Variants in VEPH1 observed in about 807,000 individuals in gnomAD.
VEPH1 encodes ventricular zone expressed PH domain containing 1, also known as ventricular zone-expressed PH domain-containing protein homolog 1.
In VEPH1, 80 loss-of-function variants were observed where a neutral mutation model predicts 85.2. That is an observed-to-expected ratio of 0.94 (90% confidence interval 0.78 to 1.13). VEPH1 has a LOEUF of 1.13. Ranked by LOEUF, VEPH1 falls within the 50% of genes most tolerant of loss-of-function variation. The pLI is 0.00. For missense variants in VEPH1, 955 were observed against 980.5 expected, an observed-to-expected ratio of 0.97 and a Z score of 0.35; for synonymous variants, 297 against 348.0, an observed-to-expected ratio of 0.85 and a Z score of 1.63.
chr3:157,308,070 A>G (rs6780399), intron 11 of VEPH1, among the ~76,000 whole-genome samples: 104,203 of 151,528 alleles, frequency 0.69, 36,041 homozygotes, highest in East Asian at 0.78. Flanking sequence ...TGGATCTTTT[A>G]TATAAGTTCT....
At chr3:157,392,044 G>A (rs1248870497) in intron 6 of VEPH1, among the ~76,000 whole-genome samples, 1 of 152,160 alleles carries the variant, frequency 6.6e-6, no homozygotes, top group African/African-American at 2.4e-5. Flanking sequence ...AAGAGAATTT[G>A]TTAACACTAG....
At chr3:157,278,918 C>G (rs1278060685) in intron 12 of VEPH1, among the ~76,000 whole-genome samples, 3 of 152,054 alleles carry the variant, frequency 2.0e-5, no homozygotes, top group East Asian at 1.9e-4. Flanking sequence ...GGGAGTGGTG[C>G]ATGCTTGTAA....
At chr3:157,418,998 ACAGAATAGAGATCT>A (rs1377489369) in intron 5 of VEPH1, among the ~76,000 whole-genome samples, 41 of 152,310 alleles carry the variant, frequency 2.7e-4, no homozygotes, top group African/African-American at 9.6e-4. Flanking sequence ...GACGAATGGA[ACAGAATAGAGATCT>A]CAGAAATAAG....
intron 11 of VEPH1, among the ~76,000 whole-genome samples, chr3:157,294,048 C>T (rs1460420640): frequency 1.3e-5 from 2 of 152,102 alleles, no homozygotes; most frequent in Non-Finnish European, 2.9e-5. Context: ...TTACTGCCAC[C>T]TACATTCAAC....
intron 9 of VEPH1, among the ~76,000 whole-genome samples, chr3:157,348,931 G>T (rs368444475): frequency 1.7e-4 from 26 of 152,230 alleles, no homozygotes; most frequent in African/African-American, 6.0e-4. Flanking sequence ...CTTTAAAGAA[G>T]AATTAATACC....
chr3:157,475,741 C>A (rs906643585), intron 2 of VEPH1, among the ~76,000 whole-genome samples: 1 of 152,146 alleles, frequency 6.6e-6, no homozygotes, highest in Non-Finnish European at 1.5e-5. Flanking sequence ...GGGTGAAATT[C>A]AAAATTTGAC....
intron 4 of VEPH1, among the ~76,000 whole-genome samples, chr3:157,440,674 G>T (rs1232962580): frequency 6.6e-6 from 1 of 151,254 alleles, no homozygotes; most frequent in Non-Finnish European, 1.5e-5. Flanking sequence ...GTATATATAC[G>T]TATACATACA....
intron 4 of VEPH1, among the ~76,000 whole-genome samples, chr3:157,433,737 TA>T (rs1733343672): frequency 6.6e-6 from 1 of 152,234 alleles, no homozygotes; most frequent in Non-Finnish European, 1.5e-5. Flanking sequence ...AGTAGACATG[TA>T]AAATGAATTT....
chr3:157,361,465 C>A (rs1009589395), intron 9 of VEPH1, among the ~76,000 whole-genome samples: 1 of 152,154 alleles, frequency 6.6e-6, no homozygotes. Flanking sequence ...AGTACCTAAA[C>A]CTGATAGCCA....
At chr3:157,469,189 C>T (rs933095042) in intron 3 of VEPH1, among the ~76,000 whole-genome samples, 1 of 152,168 alleles carries the variant, frequency 6.6e-6, no homozygotes, top group Admixed American at 6.5e-5. Flanking sequence ...TCATTTTCTC[C>T]CCACCAACCC....
At chr3:157,349,368 CA>C (rs1724591675) in intron 9 of VEPH1, among the ~76,000 whole-genome samples, 1 of 152,160 alleles carries the variant, frequency 6.6e-6, no homozygotes, top group South Asian at 2.1e-4. Flanking sequence ...AACTAGGCAT[CA>C]ATGGAACATA....
chr3:157,269,843 G>A (rs13326287), intron 12 of VEPH1, among the ~76,000 whole-genome samples: 20,363 of 151,996 alleles, frequency 0.13, 2,407 homozygotes, highest in African/African-American at 0.32. Context: ...AATGATCTAC[G>A]AGGGTATGAT....
intron 2 of VEPH1, among the ~76,000 whole-genome samples, chr3:157,479,420 C>A (rs564476839): frequency 6.6e-6 from 1 of 152,194 alleles, no homozygotes; most frequent in Non-Finnish European, 1.5e-5. Context: ...TTCACTCTCA[C>A]TCAACACACC....
At chr3:157,388,773 T>C (rs1483925013) in intron 6 of VEPH1, among the ~76,000 whole-genome samples, 4 of 152,174 alleles carry the variant, frequency 2.6e-5, no homozygotes, top group Non-Finnish European at 4.4e-5. Context: ...TTACATAGCA[T>C]TTACATTGTA....
At position 157,265,664 on chromosome 3, in the gene VEPH1, T is replaced by C; in HGVS notation, c.2129-2A>G. On this transcript the variant is annotated splice_acceptor_variant, in intron 12 of 13. Coordinates refer to ENST00000362010, the MANE Select transcript of VEPH1 (RefSeq NM_001167912.2). LOFTEE classifies it high-confidence loss of function. Reference sequence around the variant, plus strand: ...GAGGCTGGCCATCTTGATTTACAACTGTTGAAGGTAGCAGAATAATCATGC... The same window carrying C: ...GAGGCTGGCCATCTTGATTTACAACCGTTGAAGGTAGCAGAATAATCATGC... 6.2e-7 allele frequency: 1 copy of C among 1,612,366 alleles called. No homozygotes were observed. The highest frequency in any genetic ancestry group is 8.5e-7 in the Non-Finnish European group (1 of 1,179,298).
At chr3:157,386,199 A>G (rs919834792) in intron 6 of VEPH1, among the ~76,000 whole-genome samples, 5 of 150,672 alleles carry the variant, frequency 3.3e-5, no homozygotes, top group African/African-American at 1.2e-4. Flanking sequence ...AGCCCCAAAC[A>G]AATAATCATA....
At chr3:157,340,606 T>C (rs1156912732) in intron 9 of VEPH1, among the ~76,000 whole-genome samples, 2 of 152,184 alleles carry the variant, frequency 1.3e-5, no homozygotes, top group East Asian at 3.9e-4. Context: ...AGGCAGGGCA[T>C]AGCTGAACAA....
chr3:157,286,433 ACT>A (rs1342288941), intron 12 of VEPH1, 122 bp downstream of exon 12: 1 of 784,618 alleles, frequency 1.3e-6, no homozygotes, highest in African/African-American at 1.7e-5. Flanking sequence ...CAGGGACATG[ACT>A]CTGTGCATTA....
At chr3:157,326,602 T>C (rs1721930133) in intron 9 of VEPH1, among the ~76,000 whole-genome samples, 1 of 152,028 alleles carries the variant, frequency 6.6e-6, no homozygotes, top group Non-Finnish European at 1.5e-5. Context: ...GGTTGTTAGG[T>C]AGGAGAATAT....
Sources: gnomAD v4.1 joint callset for allele counts (sites outside exome capture counted in the v4.1 genomes callset) on GRCh38, gnomAD v4.1.1 for gene constraint, MANE v1.5 for transcripts, NCBI Gene and HGNC (gene_info 2026-07-23, HGNC 2026-07-21) for gene names.